PDE11A: variants seen among roughly 807,000 people sequenced by gnomAD.
PDE11A encodes the protein phosphodiesterase 11A, also known as dual 3',5'-cyclic-AMP and -GMP phosphodiesterase 11A.
Under a neutral mutation model 100.5 loss-of-function variants are expected in PDE11A, and 100 were observed. The ratio of observed to expected loss-of-function variants is 1.00; its 90% confidence interval spans 0.85 to 1.18. PDE11A has a LOEUF of 1.18. Among genes scored for constraint, PDE11A ranks in the 50% most tolerant of loss-of-function variants. The pLI is 0.00. For missense variants in PDE11A, 1,141 were observed against 1,152.6 expected, an observed-to-expected ratio of 0.99 and a Z score of 0.15; for synonymous variants, 381 against 420.8, an observed-to-expected ratio of 0.91 and a Z score of 1.16.
chr2:177,990,178 G>A (rs1203183905), intron 2 of PDE11A, among the ~76,000 whole-genome samples: 1 of 152,132 alleles, frequency 6.6e-6, no homozygotes, highest in Non-Finnish European at 1.5e-5. Context: ...CCTAGTACAA[G>A]CTACATGATT....
chr2:178,038,689 T>C (rs1368431999), intron 1 of PDE11A, among the ~76,000 whole-genome samples: 1 of 152,138 alleles, frequency 6.6e-6, no homozygotes, highest in East Asian at 1.9e-4. Flanking sequence ...TATACTTTCA[T>C]ACCAACCATG....
intron 1 of PDE11A, among the ~76,000 whole-genome samples, chr2:178,066,781 G>C (rs559312440): frequency 1.3e-5 from 2 of 152,328 alleles, no homozygotes; most frequent in African/African-American, 4.8e-5. Context: ...AATTCAGCGG[G>C]GGCCCCTTGC....
intron 10 of PDE11A, among the ~76,000 whole-genome samples, chr2:177,749,177 G>A (rs551855635): frequency 6.7e-6 from 1 of 149,560 alleles, no homozygotes; most frequent in East Asian, 2.0e-4. Context: ...CATTATTTTT[G>A]CTGGAAATAC....
At chr2:177,844,551 ATTTT>A (rs1242327573) in intron 5 of PDE11A, among the ~76,000 whole-genome samples, 3 of 148,114 alleles carry the variant, frequency 2.0e-5, no homozygotes, top group Admixed American at 1.3e-4. Flanking sequence ...TAATTTATTT[ATTTT>A]TTATTGATAA....
chr2:178,067,933 A>G (rs1010453591), intron 1 of PDE11A, among the ~76,000 whole-genome samples: 4 of 152,180 alleles, frequency 2.6e-5, no homozygotes, highest in Admixed American at 1.3e-4. Flanking sequence ...TCCTGCTCTC[A>G]GTTCATCTAA....
chr2:177,857,601 G>C (rs1478039873), intron 5 of PDE11A, among the ~76,000 whole-genome samples: 2 of 151,900 alleles, frequency 1.3e-5, no homozygotes, highest in Admixed American at 6.6e-5. Flanking sequence ...ACAAAAGAAG[G>C]CAGTAAAGAA....
chr2:177,801,373 G>A (rs1574156618), intron 9 of PDE11A, among the ~76,000 whole-genome samples: 1 of 152,102 alleles, frequency 6.6e-6, no homozygotes, highest in East Asian at 1.9e-4. Flanking sequence ...TAACTGCTGA[G>A]TCCTCGGTAT....
intron 2 of PDE11A, among the ~76,000 whole-genome samples, chr2:177,980,112 A>C (rs937454114): frequency 6.6e-6 from 1 of 150,398 alleles, no homozygotes; most frequent in Non-Finnish European, 1.5e-5. Context: ...AAAAGTTTCA[A>C]ACCTACTGCT....
chr2:178,008,218 G>C (rs1213828219), intron 2 of PDE11A, among the ~76,000 whole-genome samples: 2 of 152,124 alleles, frequency 1.3e-5, no homozygotes, highest in African/African-American at 4.8e-5. Flanking sequence ...CACTATTCAT[G>C]TACATAACAA....
chr2:177,705,311 A>G (rs1574062948), intron 13 of PDE11A, among the ~76,000 whole-genome samples: 1 of 152,348 alleles, frequency 6.6e-6, no homozygotes, highest in South Asian at 2.1e-4. Flanking sequence ...TGTGCTAAGT[A>G]TATCCATCAT....
intron 2 of PDE11A, among the ~76,000 whole-genome samples, chr2:177,934,175 G>A (rs2085244460): frequency 6.6e-6 from 1 of 151,996 alleles, no homozygotes; most frequent in Admixed American, 6.6e-5. Flanking sequence ...CACAACAAAA[G>A]AAACCATCAA....
intron 2 of PDE11A, among the ~76,000 whole-genome samples, chr2:178,078,704 G>C (rs1442461455): frequency 6.6e-6 from 1 of 152,046 alleles, no homozygotes; most frequent in Non-Finnish European, 1.5e-5. Context: ...AAGTTGGTTG[G>C]TTTTCATTAT....
Position 178,071,519 on chromosome 2 carries a change from G to T in PDE11A, c.912+7C>A. The T allele has an allele frequency of 6.2e-7, 1 of 1,612,848 alleles. No homozygotes were observed. The highest frequency in any genetic ancestry group is 8.5e-7 in the Non-Finnish European group (1 of 1,178,844). Reference sequence around the variant, plus strand: ...CTCTGGGAGAAGGGGACAATGCAAAGTCCTACCTGGTAGGCATCAGGAATG... The same window carrying T: ...CTCTGGGAGAAGGGGACAATGCAAATTCCTACCTGGTAGGCATCAGGAATG... On this transcript the variant is annotated splice_region_variant and intron_variant, in intron 1 of 19. Transcript: ENST00000286063.
chr2:177,715,993 A>T (rs1257894523), intron 12 of PDE11A, among the ~76,000 whole-genome samples: 2 of 152,228 alleles, frequency 1.3e-5, no homozygotes, highest in Admixed American at 1.3e-4. Flanking sequence ...AAATGTCAAC[A>T]TCTAAACTCA....
In PDE11A at chr2:177,875,928, C is replaced by A; in HGVS notation, c.1303-5G>T. On this transcript the variant is annotated splice_region_variant and splice_polypyrimidine_tract_variant and intron_variant, in intron 4 of 19. Transcript: ENST00000286063. ...GGATTTGGTAAATTTCACCACCTGTCGCATAGAAAGATAATAAATCCAGGT... is the reference window on the plus strand; with the variant it reads ...GGATTTGGTAAATTTCACCACCTGTAGCATAGAAAGATAATAAATCCAGGT... 6.3e-7 allele frequency: 1 copy of A among 1,583,936 alleles called. No homozygotes were observed. Among genetic ancestry groups the A allele is most frequent in the Non-Finnish European group, 8.7e-7 (1 of 1,152,432 alleles).
intron 2 of PDE11A, among the ~76,000 whole-genome samples, chr2:177,962,839 C>T (rs986723559): frequency 1.0e-5 from 1 of 97,884 alleles, no homozygotes; most frequent in Non-Finnish European, 1.9e-5. Context: ...TAATAAAAAG[C>T]TAAAGAAAAA....
At chr2:178,060,004 T>A (rs1400372039) in intron 1 of PDE11A, among the ~76,000 whole-genome samples, 1 of 152,210 alleles carries the variant, frequency 6.6e-6, no homozygotes, top group African/African-American at 2.4e-5. Context: ...GACATTGAAA[T>A]ATGAGCAAGA....
At chr2:178,104,223 A>T in intron 2 of PDE11A, 1 of 1,392,252 alleles carries the variant, frequency 7.2e-7, no homozygotes, top group Non-Finnish European at 1.0e-6. Context: ...CAAATTAGGA[A>T]ATTATTATAA....
chr2:178,053,107 A>T (rs1350799662), intron 1 of PDE11A, among the ~76,000 whole-genome samples: 1 of 152,186 alleles, frequency 6.6e-6, no homozygotes, highest in Non-Finnish European at 1.5e-5. Flanking sequence ...TCGATGTAAA[A>T]ATCCTCAATA....
Sources: allele counts gnomAD v4.1 joint callset (sites outside exome capture counted in the v4.1 genomes callset), GRCh38; gene constraint gnomAD v4.1.1; transcripts MANE v1.5; gene names NCBI Gene and HGNC (gene_info 2026-07-23, HGNC 2026-07-21).